The following PRICKLE2 variants were observed in gnomAD, a reference collection of about 807,000 sequenced individuals.
The protein encoded by PRICKLE2 is prickle planar cell polarity protein 2.
PRICKLE2 carries 21 observed loss-of-function variants against 81.4 expected under a neutral mutation model. That is an observed-to-expected ratio of 0.26 (90% CI 0.18 to 0.37). PRICKLE2 has a LOEUF of 0.37. PRICKLE2 is among the 10% of genes least tolerant of loss of function. The pLI is 1.00. For synonymous variants in PRICKLE2, 456 were observed against 421.5 expected (o/e 1.08, Z -1.00); for missense variants, 940 against 1,109.0 (o/e 0.85, Z 2.16).
chr3:64,217,791 A>C (rs749177429), intron 1 of PRICKLE2, among the ~76,000 whole-genome samples: 3 of 152,192 alleles, frequency 2.0e-5, no homozygotes, highest in Non-Finnish European at 4.4e-5. Context: ...AGGAGACTGG[A>C]GCATGGTGAT....
At chr3:64,181,083 T>A (rs902213258) in intron 2 of PRICKLE2, among the ~76,000 whole-genome samples, 1 of 152,210 alleles carries the variant, frequency 6.6e-6, no homozygotes, top group African/African-American at 2.4e-5. Context: ...GCATTTTCAT[T>A]GAGAAGACCT....
chr3:64,139,057 G>C (rs1247506841), intron 7 of PRICKLE2, among the ~76,000 whole-genome samples: 1 of 152,216 alleles, frequency 6.6e-6, no homozygotes, highest in Admixed American at 6.5e-5. Context: ...TCCAGTTGTT[G>C]CTTTATATCC....
chr3:64,230,093 G>C (rs1227066458), upstream of PRICKLE2, among the ~76,000 whole-genome samples: 2 of 152,168 alleles, frequency 1.3e-5, no homozygotes, highest in African/African-American at 4.8e-5. Context: ...GAACTGAAGA[G>C]GCTTTTAGGT....
At position 64,095,173 on chromosome 3, in the gene PRICKLE2, C is replaced by T. The variant is rs932177592; in HGVS notation, c.*3878G>A. On this transcript the variant is annotated 3_prime_UTR_variant, in exon 8 of 8. Coordinates refer to ENST00000638394, the MANE Select transcript of PRICKLE2 (RefSeq NM_198859.4). ...ACTGCCTATAGTAATTGGCAGAGAA[C>T]ATGAAAATGGCCAAGGAGGTAAAGA... 2 of 152,180 alleles carry T rather than the reference C, an allele frequency of 1.3e-5. No homozygotes were observed. Among genetic ancestry groups the T allele is most frequent in the African/African-American group, 4.8e-5 (2 of 41,408 alleles). The allele number at this position is 152,180 out of a possible 1,614,324, so 9.4% of individuals were successfully genotyped here.
chr3:64,174,377 G>T (rs153740), intron 2 of PRICKLE2: 26,694 of 152,116 alleles, frequency 0.18, 2,626 homozygotes, highest in East Asian at 0.44. Flanking sequence ...GTGATGAAAA[G>T]GTGGCTCCTG....
intron 1 of PRICKLE2, among the ~76,000 whole-genome samples, chr3:64,212,317 G>A (rs918861595): frequency 6.6e-6 from 1 of 152,130 alleles, no homozygotes; most frequent in Admixed American, 6.5e-5. Context: ...GTGATTTTAT[G>A]GCATGCACAC....
chr3:64,137,955 T>C (rs1315274055), intron 7 of PRICKLE2, among the ~76,000 whole-genome samples: 1 of 152,070 alleles, frequency 6.6e-6, no homozygotes, highest in Non-Finnish European at 1.5e-5. Context: ...TATCTCCTCA[T>C]AGCCTGAAAC....
chr3:64,196,598 G>A (rs941073179), intron 2 of PRICKLE2, among the ~76,000 whole-genome samples: 1 of 152,056 alleles, frequency 6.6e-6, no homozygotes, highest in Middle Eastern at 3.2e-3. Context: ...CACAGACTGG[G>A]AGAAAGCACT....
intron 2 of PRICKLE2, among the ~76,000 whole-genome samples, chr3:64,181,551 T>C (rs564241533): frequency 6.6e-6 from 1 of 152,238 alleles, no homozygotes; most frequent in East Asian, 1.9e-4. Flanking sequence ...CTTGTTTTAG[T>C]TATTCTACTG....
intron 2 of PRICKLE2, among the ~76,000 whole-genome samples, chr3:64,191,174 G>A (rs1006551527): frequency 3.3e-5 from 5 of 152,138 alleles, no homozygotes; most frequent in East Asian, 1.9e-4. Context: ...AGGCTGAGAA[G>A]GACTCTAGGA....
chr3:64,160,314 A>C (rs1344241215), intron 3 of PRICKLE2, among the ~76,000 whole-genome samples: 2 of 152,204 alleles, frequency 1.3e-5, no homozygotes, highest in Non-Finnish European at 2.9e-5. Flanking sequence ...CTGGATCCCA[A>C]GCCTTGGGCA....
chr3:64,096,654 C>A lies in PRICKLE2; in HGVS notation c.*2397G>T, dbSNP rs2076576258. 1 of 152,324 alleles carries A rather than the reference C, an allele frequency of 6.6e-6. No individual in the cohort carries two copies. Among genetic ancestry groups the A allele is most frequent in the Admixed American group, 6.5e-5 (1 of 15,282 alleles). 9.4% of individuals were successfully genotyped at this position (152,324 alleles called of 1,614,324 possible). On this transcript the variant is annotated 3_prime_UTR_variant, in exon 8 of 8. Transcript: ENST00000638394. Reference sequence around the variant, plus strand: ...CTGAGCAGTTCAGTGCCTGGATGCTCTCTGGGCATCTAGACTTATGCCTCC... The same window carrying A: ...CTGAGCAGTTCAGTGCCTGGATGCTATCTGGGCATCTAGACTTATGCCTCC...
At chr3:64,243,138 C>T (rs982367766) in intron 2 of PRICKLE2, among the ~76,000 whole-genome samples, 8 of 152,192 alleles carry the variant, frequency 5.3e-5, no homozygotes, top group African/African-American at 1.9e-4. Flanking sequence ...ACTCTAAAAA[C>T]AGGAATGTCA....
At chr3:64,103,816 C>T (rs146575351) in intron 7 of PRICKLE2, among the ~76,000 whole-genome samples, 4,966 of 152,050 alleles carry the variant, frequency 0.033, 272 homozygotes, top group African/African-American at 0.11. Context: ...CCTGTCTCTA[C>T]TAAAAATACA....
At chr3:64,154,000 A>G (rs2077587272) in intron 5 of PRICKLE2, 1 of 154,330 alleles carries the variant, frequency 6.5e-6, no homozygotes, top group East Asian at 1.9e-4. Flanking sequence ...ATTTCAAAGC[A>G]CAGATTTCAA....
intron 7 of PRICKLE2, among the ~76,000 whole-genome samples, chr3:64,126,076 G>A (rs2106976248): frequency 6.6e-6 from 1 of 152,122 alleles, no homozygotes; most frequent in East Asian, 1.9e-4. Flanking sequence ...ATATATTTCT[G>A]TAGTTTGTAA....
chr3:64,254,796 C>T (rs1575719434), intron 2 of PRICKLE2, among the ~76,000 whole-genome samples: 1 of 152,170 alleles, frequency 6.6e-6, no homozygotes, highest in Non-Finnish European at 1.5e-5. Context: ...TTTAGTATTA[C>T]AGTCAGAAAT....
At chr3:64,117,774 G>A (rs2076960155) in intron 7 of PRICKLE2, among the ~76,000 whole-genome samples, 1 of 152,062 alleles carries the variant, frequency 6.6e-6, no homozygotes, top group Admixed American at 6.6e-5. Flanking sequence ...TGGCCATACT[G>A]CCCAAAGTAA....
At chr3:64,114,531 T>C (rs978719174) in intron 7 of PRICKLE2, among the ~76,000 whole-genome samples, 4 of 151,962 alleles carry the variant, frequency 2.6e-5, no homozygotes, top group Non-Finnish European at 5.9e-5. Flanking sequence ...AAAACATAAC[T>C]GACCTTAGAG....
Sources: allele counts gnomAD v4.1 joint callset (sites outside exome capture counted in the v4.1 genomes callset), GRCh38; gene constraint gnomAD v4.1.1; transcripts MANE v1.5; gene names NCBI Gene and HGNC (gene_info 2026-07-23, HGNC 2026-07-21).